The following NOL7 variants were observed in gnomAD, a reference collection of about 807,000 sequenced individuals.
NOL7 encodes the protein U3 small nucleolar RNA-associated protein NOL7.
NOL7 carries 36 observed loss-of-function variants against 38.4 expected under a neutral mutation model. The ratio of observed to expected loss-of-function variants is 0.94; its 90% CI spans 0.72 to 1.24. The LOEUF (loss-of-function observed/expected upper bound fraction) is 1.24. Ranked by LOEUF, NOL7 falls within the 50% of genes most tolerant of loss-of-function variation. The probability of loss-of-function intolerance (pLI) is 0.00; values close to 1 mark genes in which losing one functional copy is unlikely to be tolerated. For missense variants in NOL7, 350 were observed against 315.1 expected (o/e 1.11, Z -0.84); for synonymous variants, 142 against 126.5 (o/e 1.12, Z -0.82).
Position 13,615,469 on chromosome 6 carries a change from C to T in NOL7, c.111C>T (p.Leu37=), listed in dbSNP as rs1185799232. The change falls in exon 1 of 8, where the codon CTC becomes CTT. Residue 37 remains leucine (L), a synonymous_variant. Coordinates refer to ENST00000451315, the MANE Select transcript of NOL7 (RefSeq NM_016167.5). ...EEEEAEHGLL[L]GQPSSGAAAE... ...AGGAGGCGGAGCACGGGCTGTTGCTCGGGCAGCCCAGCAGCGGCGCGGCCG... is the reference window on the plus strand; with the variant it reads ...AGGAGGCGGAGCACGGGCTGTTGCTTGGGCAGCCCAGCAGCGGCGCGGCCG... 10 of 1,550,866 alleles carry T rather than the reference C, an allele frequency of 6.4e-6. No individual in the cohort carries two copies. The highest frequency in any genetic ancestry group is 2.4e-5 in the South Asian group (2 of 84,114).
chr6:13,624,456 T>TA (rs1764544007), downstream of NOL7, among the ~76,000 whole-genome samples: 1 of 152,288 alleles, frequency 6.6e-6, no homozygotes, highest in South Asian at 2.1e-4. Context: ...ACTTCTAAAC[T>TA]AGACTGGAGT....
rs1764335093 is a variant in NOL7 at position 13,618,079 on chromosome 6, AAG to A, written c.442_443del (p.Asp148LeufsTer2). 6.4e-7 allele frequency: 1 copy of A among 1,563,394 alleles called. No individual in the cohort carries two copies. The highest frequency in any genetic ancestry group is 1.7e-5 in the Admixed American group (1 of 58,236). On this transcript the variant is annotated frameshift_variant, in exon 5 of 8. Transcript: ENST00000451315. LOFTEE classifies it high-confidence loss of function. ...TTAGTTAATTTGCAAAAGAAAAATGAAGACTGTGAAAAAGGAAATGACTCCAA... is the reference window on the plus strand; with the variant it reads ...TTAGTTAATTTGCAAAAGAAAAATGAACTGTGAAAAAGGAAATGACTCCAA...
At chr6:13,626,435 G>A (rs1039516795), downstream of NOL7, among the ~76,000 whole-genome samples, 5 of 152,152 alleles carry the variant, frequency 3.3e-5, no homozygotes, top group Non-Finnish European at 4.4e-5. Flanking sequence ...AACTGGCTGT[G>A]TAGCCTTTGG....
downstream of NOL7, among the ~76,000 whole-genome samples, chr6:13,622,920 T>C (rs1325605352): frequency 6.6e-6 from 1 of 152,130 alleles, no homozygotes; most frequent in African/African-American, 2.4e-5. Context: ...CTTCCACCTC[T>C]GTGGATAGGA....
downstream of NOL7, chr6:13,622,414 C>G (rs562517476): frequency 1.2e-6 from 2 of 1,600,334 alleles, no homozygotes; most frequent in Non-Finnish European, 1.7e-6. Context: ...AATTCCTGAT[C>G]GAGCCATCAG....
At chr6:13,618,224 T>C in intron 5 of NOL7, 85 bp downstream of exon 5, 1 of 454,948 alleles carries the variant, frequency 2.2e-6, no homozygotes. Context: ...AATATTTTAT[T>C]TTATTTTATT....
At chr6:13,629,914 TCTCTCTC>T (rs1375078626) in intron 8 of NOL7, among the ~76,000 whole-genome samples, 28 of 123,356 alleles carry the variant, frequency 2.3e-4, no homozygotes, top group East Asian at 6.8e-4. Flanking sequence ...TCTCTCTCTC[TCTCTCTC>T]GTGTGTGTGT....
intron 8 of NOL7, among the ~76,000 whole-genome samples, chr6:13,629,822 G>T (rs1037222708): frequency 2.0e-5 from 3 of 151,938 alleles, no homozygotes; most frequent in African/African-American, 7.3e-5. Context: ...AAAGGAAAAA[G>T]GTCAAGAGAA....
downstream of NOL7, chr6:13,622,517 AG>A: frequency 6.5e-7 from 1 of 1,538,822 alleles, no homozygotes; most frequent in Non-Finnish European, 8.7e-7. Flanking sequence ...TTTAAAAATG[AG>A]AACAGCAATT....
chr6:13,632,246 G>A, intron 8 of NOL7: 1 of 771,658 alleles, frequency 1.3e-6, no homozygotes, highest in South Asian at 2.0e-5. Context: ...TGGGCAAGGA[G>A]CCAGGGGGAA....
intron 8 of NOL7, among the ~76,000 whole-genome samples, chr6:13,630,670 T>C (rs1764753849): frequency 6.6e-6 from 1 of 152,180 alleles, no homozygotes; most frequent in South Asian, 2.1e-4. Flanking sequence ...CTTGCCCTTT[T>C]CTCTTTCATT....
chr6:13,620,932 G>A lies in NOL7; in HGVS notation c.*105G>A, dbSNP rs746083167. 5.7e-6 allele frequency: 4 copies of A among 698,944 alleles called. No homozygotes were observed. In the East Asian group the frequency reaches 8.5e-5, roughly 15 times the overall value. The allele number at this position is 698,944 out of a possible 1,614,324, so 43.3% of individuals were successfully genotyped here. A position where few individuals can be genotyped will look rare whatever the true frequency, so the allele number is the denominator to read the frequency against. On this transcript the variant is annotated 3_prime_UTR_variant, in exon 8 of 8. Coordinates refer to ENST00000451315, the MANE Select transcript of NOL7 (RefSeq NM_016167.5). The stretch of plus-strand genomic sequence containing the variant: ...CATTATAAAAATCATAAACCTATTT[G>A]AGGAAGTGCTCAACCACATTTCATT...
intron 5 of NOL7, among the ~76,000 whole-genome samples, chr6:13,619,981 C>G (rs1003280991): frequency 6.6e-6 from 1 of 151,994 alleles, no homozygotes; most frequent in African/African-American, 2.4e-5. Context: ...ATGGTGAAAC[C>G]CCGTCTCTAC....
At chr6:13,627,214 T>A (rs1291356936) in intron 8 of NOL7, among the ~76,000 whole-genome samples, 1 of 152,144 alleles carries the variant, frequency 6.6e-6, no homozygotes, top group African/African-American at 2.4e-5. Flanking sequence ...AATGAAGATG[T>A]TTTATGCATC....
intron 6 of NOL7, 36 bp from the exon 7 acceptor site, chr6:13,620,372 T>TA: frequency 6.2e-7 from 1 of 1,613,866 alleles, no homozygotes; most frequent in South Asian, 1.1e-5. Flanking sequence ...TTACTGCAAA[T>TA]AAAACTGTGA....
chr6:13,627,929 T>C (rs187162595), intron 8 of NOL7, among the ~76,000 whole-genome samples: 446 of 152,190 alleles, frequency 2.9e-3, no homozygotes, highest in Non-Finnish European at 4.7e-3. Context: ...CGTTTACCTA[T>C]GTAACAAACC....
chr6:13,617,983 T>A, intron 4 of NOL7, 75 bp from the exon 5 acceptor site: 1 of 1,001,104 alleles, frequency 1.0e-6, no homozygotes, highest in Non-Finnish European at 1.6e-6. Context: ...AGTGGATGCT[T>A]AAAGTGAACT....
At chr6:13,623,159 A>G (rs1319958172), downstream of NOL7, among the ~76,000 whole-genome samples, 1 of 152,232 alleles carries the variant, frequency 6.6e-6, no homozygotes, top group Non-Finnish European at 1.5e-5. Context: ...TACAAATGCA[A>G]TAATTAACAA....
At chr6:13,617,866 G>T in intron 4 of NOL7, 65 bp downstream of exon 4, 1 of 1,474,704 alleles carries the variant, frequency 6.8e-7, no homozygotes, top group Non-Finnish European at 9.5e-7. Context: ...GATGTTTCCA[G>T]TCAAATATGA....
Sources: gnomAD v4.1 joint callset for allele counts (sites outside exome capture counted in the v4.1 genomes callset) on GRCh38, gnomAD v4.1.1 for gene constraint, MANE v1.5 for transcripts, NCBI Gene and HGNC (gene_info 2026-07-23, HGNC 2026-07-21) for gene names.